Variants in UBTD1 observed in about 807,000 individuals in gnomAD.
The protein encoded by UBTD1 is ubiquitin domain-containing protein 1.
In UBTD1, 19 loss-of-function variants were observed where a neutral mutation model predicts 21.7. The ratio of observed to expected loss-of-function variants is 0.87; its 90% CI spans 0.61 to 1.28. The LOEUF is 1.28. Among genes scored for constraint, UBTD1 ranks in the 50% most tolerant of loss-of-function variants. The pLI, the probability that UBTD1 is intolerant of heterozygous loss-of-function variation, is 0.00. For synonymous variants in UBTD1, 116 were observed against 135.1 expected, an observed-to-expected ratio of 0.86 and a Z score of 0.98; for missense variants, 282 against 315.1, an observed-to-expected ratio of 0.89 and a Z score of 0.80.
At chr10:97,521,247 T>G (rs529731338) in intron 1 of UBTD1, among the ~76,000 whole-genome samples, 20 of 152,328 alleles carry the variant, frequency 1.3e-4, no homozygotes, top group African/African-American at 4.8e-4. Context: ...GTTGGTAAGG[T>G]GAGACTCTGC....
rs117593233 is a variant in UBTD1 at position 97,520,655 on chromosome 10, G to A, written c.70+21382G>A. Among the ~76,000 whole-genome samples the A allele has an allele frequency of 4.7e-3, 716 of 152,244 alleles. 3 individuals are homozygous for A. Among genetic ancestry groups the A allele is most frequent in the Non-Finnish European group, 6.5e-3 (442 of 68,018 alleles). ...CCTGGAGACTGGGACTGAGGGAGCC[G>A]TGTTTGTCTCATGTGTCCCCACCCC... On this transcript the variant is annotated intron_variant, in intron 1 of 2. Coordinates refer to ENST00000370664, the MANE Select transcript of UBTD1 (RefSeq NM_024954.5).
chr10:97,510,234 G>A (rs1056768515), intron 1 of UBTD1, among the ~76,000 whole-genome samples: 15 of 152,208 alleles, frequency 9.9e-5, no homozygotes, highest in Non-Finnish European at 2.9e-5. Context: ...CAAAGTGTTG[G>A]AATTACAGGC....
chr10:97,543,812 G>A (rs1039425517), intron 1 of UBTD1, among the ~76,000 whole-genome samples: 7 of 152,176 alleles, frequency 4.6e-5, no homozygotes, highest in African/African-American at 9.7e-5. Context: ...TGAAAATTAC[G>A]GGGTCTTTTC....
intron 1 of UBTD1, among the ~76,000 whole-genome samples, chr10:97,515,014 C>T (rs1227879241): frequency 2.0e-5 from 3 of 152,118 alleles, no homozygotes; most frequent in Non-Finnish European, 4.4e-5. Flanking sequence ...GCTCTGTGAC[C>T]TTTGGAGACA....
At chr10:97,518,108 T>C (rs2040452286) in intron 1 of UBTD1, among the ~76,000 whole-genome samples, 1 of 152,118 alleles carries the variant, frequency 6.6e-6, no homozygotes. Flanking sequence ...GAGTGGGGAA[T>C]GCTGAAACCT....
chr10:97,567,557 G>A (rs923347189), intron 1 of UBTD1, among the ~76,000 whole-genome samples: 3 of 151,958 alleles, frequency 2.0e-5, no homozygotes, highest in East Asian at 2.0e-4. Context: ...TACTCGGGAG[G>A]CTGAGGCAGG....
chr10:97,516,859 G>A (rs1055202537), intron 1 of UBTD1, among the ~76,000 whole-genome samples: 1 of 152,196 alleles, frequency 6.6e-6, no homozygotes, highest in Non-Finnish European at 1.5e-5. Flanking sequence ...CAGCTGGGGG[G>A]AGTGGGGACC....
At chr10:97,504,210 G>C (rs190532876) in intron 1 of UBTD1, among the ~76,000 whole-genome samples, 44 of 152,188 alleles carry the variant, frequency 2.9e-4, no homozygotes, top group African/African-American at 1.0e-3. Flanking sequence ...CCACTGGCCT[G>C]TGAACTCACC....
At chr10:97,504,327 G>A (rs1223892525) in intron 1 of UBTD1, among the ~76,000 whole-genome samples, 1 of 151,770 alleles carries the variant, frequency 6.6e-6, no homozygotes, top group Non-Finnish European at 1.5e-5. Context: ...CAAGCCTCCT[G>A]TGACACTGCA....
Position 97,499,242 on chromosome 10 carries a change from G to A in UBTD1, c.39G>A (p.Pro13=). The change falls in exon 1 of 3, where the codon CCG becomes CCA. Residue 13 remains proline (P), a synonymous_variant. Coordinates refer to ENST00000370664, the MANE Select transcript of UBTD1 (RefSeq NM_024954.5). ...TGGGGAGACAGCGCCGGGAGAGGCC[G>A]GCAGCCCCGGGACACCCCCGCAAGC... ...NCVGRQRRER[P]AAPGHPRKRA... The A allele has an allele frequency of 6.5e-7, 1 of 1,548,368 alleles. No individual in the cohort carries two copies. Among genetic ancestry groups the A allele is most frequent in the East Asian group, 2.5e-5 (1 of 40,698 alleles).
At chr10:97,502,271 C>T (rs1021744491) in intron 1 of UBTD1, among the ~76,000 whole-genome samples, 5 of 152,010 alleles carry the variant, frequency 3.3e-5, no homozygotes, top group South Asian at 2.1e-4. Context: ...AGTCCAAAGC[C>T]GAGGGGAACT....
intron 1 of UBTD1, among the ~76,000 whole-genome samples, chr10:97,527,903 C>T (rs2040497238): frequency 6.6e-6 from 1 of 152,258 alleles, no homozygotes; most frequent in African/African-American, 2.4e-5. Flanking sequence ...CACCTTTCCC[C>T]CTTTTCTATT....
At chr10:97,532,322 C>T (rs2040535725) in intron 1 of UBTD1, among the ~76,000 whole-genome samples, 1 of 152,182 alleles carries the variant, frequency 6.6e-6, no homozygotes, top group South Asian at 2.1e-4. Flanking sequence ...GTATATGTTC[C>T]ACAGTTAAGG....
chr10:97,567,959 A>G lies in UBTD1; in HGVS notation c.116A>G (p.Asp39Gly). Residue 39 changes from aspartate (D) to glycine (G), a missense_variant, in exon 2 of 3, where the codon GAC (aspartate) becomes GGC (glycine). Asp to Gly is a moderately conservative substitution (Grantham distance 94). Transcript: ENST00000370664. ...LKKERLKWKS[D>G]YPMTDGQLRS... ...AAAGAGCGGCTTAAGTGGAAGAGCG[A>G]CTACCCCATGACTGACGGGCAGCTG... is the stretch of plus-strand genomic sequence containing the variant. The G allele has an allele frequency of 6.2e-7, 1 of 1,614,158 alleles. No individual in the cohort carries two copies. Among genetic ancestry groups the G allele is most frequent in the Non-Finnish European group, 8.5e-7 (1 of 1,180,036 alleles).
intron 1 of UBTD1, among the ~76,000 whole-genome samples, chr10:97,536,007 T>TATTATTATTATTATTATC (rs199545304): frequency 2.0e-5 from 3 of 149,434 alleles, no homozygotes; most frequent in South Asian, 4.2e-4. Context: ...TTATTATTAT[T>TATTATTATTATTATTATC]TCGAGACAGA....
At chr10:97,531,182 C>T (rs2040529920) in intron 1 of UBTD1, among the ~76,000 whole-genome samples, 1 of 151,414 alleles carries the variant, frequency 6.6e-6, no homozygotes, top group African/African-American at 2.4e-5. Context: ...CCACTGCGCC[C>T]AGCCTATTTT....
chr10:97,525,100 A>G lies in UBTD1; in HGVS notation c.70+25827A>G, dbSNP rs971233623. Among the ~76,000 whole-genome samples, 5 of 152,182 alleles carry G rather than the reference A, an allele frequency of 3.3e-5. No individual in the cohort carries two copies. The East Asian group carries it at 5.8e-4, about 18-fold the overall frequency. On this transcript the variant is annotated intron_variant, in intron 1 of 2. Coordinates refer to ENST00000370664, the MANE Select transcript of UBTD1 (RefSeq NM_024954.5). Reference sequence around the variant, plus strand: ...GCCTCCCTGCTAGTCATGTGCCCACACTCTTTGGCAACTTGCACATGTGCC... The same window carrying G: ...GCCTCCCTGCTAGTCATGTGCCCACGCTCTTTGGCAACTTGCACATGTGCC...
intron 1 of UBTD1, among the ~76,000 whole-genome samples, chr10:97,560,329 C>G (rs932282961): frequency 1.3e-5 from 2 of 152,170 alleles, no homozygotes; most frequent in Admixed American, 6.5e-5. Context: ...ACACTGTTAA[C>G]TTTTAGCAAA....
intron 1 of UBTD1, among the ~76,000 whole-genome samples, chr10:97,503,116 A>T (rs1308877340): frequency 6.6e-6 from 1 of 151,986 alleles, no homozygotes; most frequent in Non-Finnish European, 1.5e-5. Flanking sequence ...GGGTCTTGCT[A>T]TGTTGCCCAG....
Sources: allele counts gnomAD v4.1 joint callset (sites outside exome capture counted in the v4.1 genomes callset), GRCh38; gene constraint gnomAD v4.1.1; transcripts MANE v1.5; gene names NCBI Gene and HGNC (gene_info 2026-07-23, HGNC 2026-07-21).